Variants in KLRG1 observed in about 807,000 individuals in gnomAD.
KLRG1 encodes the protein killer cell lectin like receptor G1.
Under a neutral mutation model 21.8 loss-of-function variants are expected in KLRG1, and 16 were observed. The observed-to-expected ratio is 0.73, with a 90% CI of 0.50 to 1.11. The LOEUF (loss-of-function observed/expected upper bound fraction) is 1.11, where lower values mean the gene tolerates loss of function less well. Ranked by LOEUF, KLRG1 falls within the 50% of genes most tolerant of loss-of-function variation. The pLI is 0.00. For missense variants in KLRG1, 173 were observed against 218.3 expected (o/e 0.79, Z 1.31); for synonymous variants, 69 against 75.9 (o/e 0.91, Z 0.47).
intron 1 of KLRG1, among the ~76,000 whole-genome samples, chr12:8,961,069 C>T (rs1283868430): frequency 6.6e-6 from 1 of 152,196 alleles, no homozygotes; most frequent in African/African-American, 2.4e-5. Flanking sequence ...CTGAGGTTCA[C>T]AGACATTAAA....
chr12:9,108,168 C>A, the KLRG1 span, among the ~76,000 whole-genome samples: 1 of 151,844 alleles, frequency 6.6e-6, no homozygotes, highest in African/African-American at 2.4e-5. Flanking sequence ...CTCTGTCGCC[C>A]AGGCTGGAGT....
chr12:9,077,149 A>T, the KLRG1 span, among the ~76,000 whole-genome samples: 6 of 152,340 alleles, frequency 3.9e-5, no homozygotes, highest in Admixed American at 6.5e-5. Flanking sequence ...GGTGGTAAAT[A>T]GCCTAGGGGA....
the KLRG1 span, among the ~76,000 whole-genome samples, chr12:9,047,306 C>T: frequency 1.3e-5 from 2 of 152,160 alleles, no homozygotes; most frequent in African/African-American, 4.8e-5. Flanking sequence ...GCTGTTCTCT[C>T]TTATAAGGTA....
the KLRG1 span, chr12:9,115,547 C>T: frequency 2.1e-6 from 1 of 470,750 alleles, no homozygotes; most frequent in East Asian, 3.7e-5. Flanking sequence ...TCTGACACCC[C>T]TTAGGAAGGC....
the KLRG1 span, among the ~76,000 whole-genome samples, chr12:9,026,709 A>G: frequency 1.3e-5 from 2 of 151,730 alleles, no homozygotes; most frequent in African/African-American, 4.8e-5. Flanking sequence ...TTTCTTATCA[A>G]TATGTAGGCA....
At chr12:9,027,906 C>T in the KLRG1 span, 3 of 871,160 alleles carry the variant, frequency 3.4e-6, no homozygotes, top group Admixed American at 1.7e-5. Flanking sequence ...ACCATTTCGA[C>T]CTCTTTGGCT....
chr12:9,140,872 A>G, the KLRG1 span, among the ~76,000 whole-genome samples: 12 of 152,192 alleles, frequency 7.9e-5, no homozygotes, highest in Non-Finnish European at 1.3e-4. Context: ...TGATTCCTTA[A>G]AGGACAGCAC....
the KLRG1 span, chr12:9,201,260 T>C: frequency 3.7e-5 from 52 of 1,393,248 alleles, no homozygotes; most frequent in Admixed American, 1.0e-3. Context: ...CTGTCTAGAG[T>C]ATTATCAGAA....
At chr12:9,160,449 G>A in the KLRG1 span, 25 of 1,613,958 alleles carry the variant, frequency 1.5e-5, no homozygotes, top group East Asian at 3.3e-4. Context: ...GGCATCTGGA[G>A]GAGATTTTGT....
At chr12:9,043,536 G>A in the KLRG1 span, among the ~76,000 whole-genome samples, 1 of 152,224 alleles carries the variant, frequency 6.6e-6, no homozygotes, top group Non-Finnish European at 1.5e-5. Flanking sequence ...AGGCTTTTGA[G>A]GAAGAGGCTA....
chr12:9,136,513 G>A, the KLRG1 span, among the ~76,000 whole-genome samples: 1 of 152,206 alleles, frequency 6.6e-6, no homozygotes, highest in East Asian at 1.9e-4. Context: ...ATATTCCATT[G>A]TGCATGTGTG....
the KLRG1 span, chr12:9,068,172 G>C: frequency 6.2e-7 from 1 of 1,612,786 alleles, no homozygotes; most frequent in Non-Finnish European, 8.5e-7. Flanking sequence ...GGAGGAGTGT[G>C]AGTGGCTTAC....
the KLRG1 span, among the ~76,000 whole-genome samples, chr12:9,188,445 C>T: frequency 3.3e-3 from 508 of 152,300 alleles, 4 homozygotes; most frequent in African/African-American, 0.012. Flanking sequence ...TGGAAGCATT[C>T]TCCTTAAAAA....
the KLRG1 span, among the ~76,000 whole-genome samples, chr12:9,035,581 A>G: frequency 6.6e-6 from 1 of 151,046 alleles, no homozygotes; most frequent in Admixed American, 6.6e-5. Context: ...CGTGTACTCC[A>G]GAACTTAAAG....
chr12:9,197,489 TTA>T, the KLRG1 span, among the ~76,000 whole-genome samples: 1 of 129,260 alleles, frequency 7.7e-6, no homozygotes. Flanking sequence ...ATATAATATA[TTA>T]TATATAAATA....
intron 1 of KLRG1, among the ~76,000 whole-genome samples, chr12:8,959,300 T>C (rs1380362838): frequency 6.6e-6 from 1 of 152,210 alleles, no homozygotes; most frequent in African/African-American, 2.4e-5. Context: ...GTAGGTAATA[T>C]TACTATTGTA....
chr12:9,021,170 G>A, the KLRG1 span, among the ~76,000 whole-genome samples: 3 of 152,018 alleles, frequency 2.0e-5, no homozygotes, highest in Non-Finnish European at 4.4e-5. Flanking sequence ...GATAAAAAAC[G>A]GTACACCGGT....
chr12:9,090,805 G>A, the KLRG1 span, among the ~76,000 whole-genome samples: 1 of 152,172 alleles, frequency 6.6e-6, no homozygotes, highest in South Asian at 2.1e-4. Flanking sequence ...GAGGATACAA[G>A]ACTTATAAAC....
the KLRG1 span, among the ~76,000 whole-genome samples, chr12:9,133,301 A>G: frequency 6.6e-6 from 1 of 152,190 alleles, no homozygotes; most frequent in East Asian, 1.9e-4. Flanking sequence ...TGAATTAGGT[A>G]CTGGGGATGT....
Sources: allele counts gnomAD v4.1 joint callset (sites outside exome capture counted in the v4.1 genomes callset), GRCh38; gene constraint gnomAD v4.1.1; transcripts MANE v1.5; gene names NCBI Gene and HGNC (gene_info 2026-07-23, HGNC 2026-07-21).